LEMD3: variants seen among roughly 807,000 people sequenced by gnomAD.
LEMD3 encodes LEM domain containing 3.
Under a neutral mutation model 95.2 loss-of-function variants are expected in LEMD3, and 33 were observed. The observed-to-expected ratio is 0.35, with a 90% CI of 0.26 to 0.46. LEMD3 has a LOEUF of 0.46. LEMD3 is among the 20% of genes least tolerant of loss of function. The pLI, the probability that LEMD3 is intolerant of heterozygous loss-of-function variation, is 1.00. For synonymous variants in LEMD3, 525 were observed against 474.6 expected (o/e 1.11, Z -1.38); for missense variants, 1,210 against 1,192.8 (o/e 1.01, Z -0.21).
At chr12:65,190,442 T>G (rs1432951393) in intron 1 of LEMD3, among the ~76,000 whole-genome samples, 5 of 152,108 alleles carry the variant, frequency 3.3e-5, no homozygotes. Context: ...CTCTAAAGCT[T>G]GCTACTTGGA....
Position 65,171,281 on chromosome 12 carries a change from T to G in LEMD3, c.1522+163T>G, listed in dbSNP as rs1283991066. 9.5e-6 allele frequency: 12 copies of G among 1,268,210 alleles called. No individual in the cohort carries two copies. The East Asian group carries it at 2.6e-4, about 27-fold the overall frequency. The allele number at this position is 1,268,210 out of a possible 1,614,324, so 78.6% of individuals were successfully genotyped here. ...GTGTCATCTTTCTTAAAGAACACCATTATCGAAATGATGTCATATGGCTGG... is the reference window on the plus strand; with the variant it reads ...GTGTCATCTTTCTTAAAGAACACCAGTATCGAAATGATGTCATATGGCTGG... On this transcript the variant is annotated intron_variant, in intron 1 of 12. Transcript: ENST00000308330.
At chr12:65,215,936 C>G in intron 2 of LEMD3, 41 bp from the exon 3 acceptor site, 43 of 452,334 alleles carry the variant, frequency 9.5e-5, no homozygotes, top group Non-Finnish European at 7.9e-5. Flanking sequence ...TGTTTTTTTT[C>G]TTGTAATTGG....
chr12:65,184,770 A>C (rs1478788038), intron 1 of LEMD3, among the ~76,000 whole-genome samples: 14 of 152,140 alleles, frequency 9.2e-5, no homozygotes, highest in Admixed American at 7.9e-4. Context: ...TTAATGAGGA[A>C]TCTGAGGATT....
Position 65,170,506 on chromosome 12 carries a change from G to T in LEMD3, c.910G>T (p.Gly304Cys), listed in dbSNP as rs551985147. ...LPPLTAKSAG[G>C]RLETSVQGGG... ...CCCGCTGACTGCTAAATCGGCCGGC[G>T]GCAGGCTGGAGACTTCAGTTCAGGG... Residue 304 changes from glycine (G) to cysteine (C), a missense_variant, in exon 1 of 13, where the codon GGC becomes TGC. Physicochemically the swap from Gly to Cys is radical, Grantham distance 159 (BLOSUM62 -3). This residue lies in a region of LEMD3 where 749 missense variants were observed against 622.9 expected (regional missense o/e 1.20). Coordinates refer to ENST00000308330, the MANE Select transcript of LEMD3 (RefSeq NM_014319.5). The T allele has an allele frequency of 1.6e-4, 253 of 1,614,104 alleles. 3 individuals are homozygous for T. The South Asian group carries it at 2.7e-3, about 17-fold the overall frequency.
chr12:65,211,067 G>A, intron 2 of LEMD3, 104 bp downstream of exon 2: 3 of 865,668 alleles, frequency 3.5e-6, no homozygotes, highest in South Asian at 2.9e-5. Context: ...AGTTATTTTA[G>A]TCTTAAACAA....
At chr12:65,207,619 T>C (rs1168845159) in intron 1 of LEMD3, among the ~76,000 whole-genome samples, 2 of 152,150 alleles carry the variant, frequency 1.3e-5, no homozygotes, top group Non-Finnish European at 2.9e-5. Flanking sequence ...TAATTGACAG[T>C]GGTTCCATGT....
intron 4 of LEMD3, among the ~76,000 whole-genome samples, chr12:65,224,966 C>T (rs1870403316): frequency 6.6e-6 from 1 of 152,038 alleles, no homozygotes; most frequent in Non-Finnish European, 1.5e-5. Flanking sequence ...CAGAATAATT[C>T]CAAATGACCT....
At chr12:65,229,655 T>A (rs1592457696) in intron 4 of LEMD3, among the ~76,000 whole-genome samples, 1 of 152,324 alleles carries the variant, frequency 6.6e-6, no homozygotes, top group East Asian at 1.9e-4. Context: ...TTTTTCCATA[T>A]GCCTGTTGGT....
chr12:65,244,048 A>C (rs1357661673), intron 10 of LEMD3, among the ~76,000 whole-genome samples: 6 of 152,206 alleles, frequency 3.9e-5, no homozygotes, highest in Non-Finnish European at 8.8e-5. Flanking sequence ...AAGCTGTAAT[A>C]GTTCTTAGAA....
At chr12:65,218,518 T>G (rs780861089) in intron 3 of LEMD3, 34 bp from the exon 4 acceptor site, 1 of 1,359,636 alleles carries the variant, frequency 7.4e-7, no homozygotes, top group South Asian at 1.2e-5. Context: ...AAGAGAGTAC[T>G]GATTCAAAAT....
At chr12:65,225,163 G>T (rs1870409617) in intron 4 of LEMD3, among the ~76,000 whole-genome samples, 1 of 152,078 alleles carries the variant, frequency 6.6e-6, no homozygotes, top group Non-Finnish European at 1.5e-5. Flanking sequence ...GTATCTTTAT[G>T]ATGGCTTTTT....
At chr12:65,233,031 GATA>G (rs957976578) in intron 4 of LEMD3, among the ~76,000 whole-genome samples, 5 of 152,038 alleles carry the variant, frequency 3.3e-5, no homozygotes, top group African/African-American at 9.7e-5. Flanking sequence ...GAAATTTTAT[GATA>G]ATAATTAAGG....
chr12:65,170,511 G>C lies in LEMD3; in HGVS notation c.915G>C (p.Arg305Ser), dbSNP rs745762772. 1.9e-6 allele frequency: 3 copies of C among 1,614,002 alleles called. No homozygotes were observed. The highest frequency in any genetic ancestry group is 2.5e-6 in the Non-Finnish European group (3 of 1,180,034). ...PPLTAKSAGGRLETSVQGGGG... is the reference protein window; with the variant it reads ...PPLTAKSAGGSLETSVQGGGG... ...TGACTGCTAAATCGGCCGGCGGCAG[G>C]CTGGAGACTTCAGTTCAGGGAGGGG... is the stretch of plus-strand genomic sequence containing the variant. The change falls in exon 1 of 13, where the codon AGG (arginine) becomes AGC (serine). Residue 305 changes from arginine to serine, a missense_variant. Arg to Ser is a moderately radical substitution (Grantham distance 110). Coordinates refer to ENST00000308330, the MANE Select transcript of LEMD3 (RefSeq NM_014319.5).
rs201615997 is a variant in LEMD3 at position 65,170,534 on chromosome 12, G to C, written c.938G>C (p.Gly313Ala). ...GGRLETSVQG[G>A]GGLAMNDRAA... Reference sequence around the variant, plus strand: ...AGGCTGGAGACTTCAGTTCAGGGAGGGGGAGGACTCGCGATGAATGACAGG... The same window carrying C: ...AGGCTGGAGACTTCAGTTCAGGGAGCGGGAGGACTCGCGATGAATGACAGG... The change falls in exon 1 of 13, where the codon GGG becomes GCG. Residue 313 changes from glycine to alanine, a missense_variant. Physicochemically the swap from Gly to Ala is moderately conservative, Grantham distance 60 (BLOSUM62 0). Transcript: ENST00000308330. The C allele has an allele frequency of 1.4e-5, 22 of 1,613,990 alleles. No homozygotes were observed. Among genetic ancestry groups the C allele is most frequent in the South Asian group, 3.3e-5 (3 of 91,076 alleles).
At chr12:65,193,732 CTGTGTGTGTGTGTGTGTGTGTG>C (rs746675293) in intron 1 of LEMD3, among the ~76,000 whole-genome samples, 3 of 129,356 alleles carry the variant, frequency 2.3e-5, no homozygotes, top group African/African-American at 3.1e-5. Context: ...ACATAACTGG[CTGTGTGTGTGTGTGTGTGTGTG>C]TGTGTGTGTG....
At position 65,248,240 on chromosome 12, in the gene LEMD3, T is replaced by C. The variant is rs1380063891; in HGVS notation, c.*1915T>C. 1.3e-5 allele frequency: 2 copies of C among 152,202 alleles called. No homozygotes were observed. Among genetic ancestry groups the C allele is most frequent in the East Asian group, 1.9e-4 (1 of 5,206 alleles). The allele number at this position is 152,202 out of a possible 1,614,324, so 9.4% of individuals were successfully genotyped here. A position where few individuals can be genotyped will look rare whatever the true frequency, so the allele number is the denominator to read the frequency against. The stretch of plus-strand genomic sequence containing the variant: ...GATGGGAATGTGTATAATAACTAGG[T>C]ATTTGAGAAGTTCTGAAGTTTGATG... On this transcript the variant is annotated 3_prime_UTR_variant, in exon 13 of 13. Transcript: ENST00000308330.
chr12:65,177,343 G>A (rs1322370680), intron 1 of LEMD3, among the ~76,000 whole-genome samples: 1 of 152,192 alleles, frequency 6.6e-6, no homozygotes, highest in Non-Finnish European at 1.5e-5. Flanking sequence ...AAATTCATTT[G>A]AAGAAAGACA....
intron 8 of LEMD3, 55 bp from the exon 9 acceptor site, chr12:65,240,854 C>A: frequency 6.6e-7 from 1 of 1,506,936 alleles, no homozygotes; most frequent in South Asian, 1.1e-5. Flanking sequence ...ACTAATATTT[C>A]AAAAAGATGA....
At chr12:65,223,447 A>G (rs1255054804) in intron 4 of LEMD3, among the ~76,000 whole-genome samples, 1 of 151,702 alleles carries the variant, frequency 6.6e-6, no homozygotes, top group East Asian at 1.9e-4. Flanking sequence ...GGGGCTACAG[A>G]CACATGCCAC....
Sources: allele counts gnomAD v4.1 joint callset (sites outside exome capture counted in the v4.1 genomes callset), GRCh38; gene constraint gnomAD v4.1.1; regional missense constraint gnomAD v4.1.1; transcripts MANE v1.5; gene names NCBI Gene and HGNC (gene_info 2026-07-23, HGNC 2026-07-21).